The following SOBP variants were observed in gnomAD, a reference collection of about 807,000 sequenced individuals.
The protein encoded by SOBP is sine oculis binding protein homolog.
A neutral mutation model predicts 53.6 loss-of-function variants in SOBP; 4 were observed. The ratio of observed to expected loss-of-function variants is 0.07; its 90% CI spans 0.04 to 0.17. SOBP has a LOEUF of 0.17. SOBP is among the 10% of genes least tolerant of loss of function. SOBP has a pLI of 1.00. For synonymous variants in SOBP, 584 were observed against 522.6 expected, an observed-to-expected ratio of 1.12 and a Z score of -1.60; for missense variants, 1,088 against 1,204.7, an observed-to-expected ratio of 0.90 and a Z score of 1.43.
At chr6:107,622,434 C>T (rs1273645036) in intron 5 of SOBP, among the ~76,000 whole-genome samples, 2 of 152,198 alleles carry the variant, frequency 1.3e-5, no homozygotes, top group Non-Finnish European at 2.9e-5. Context: ...TGGGATGATA[C>T]AAGAAGAGAT....
rs192355207 is a variant in SOBP at position 107,646,852 on chromosome 6, G to A, written c.*4-11355G>A. ...TCTGGAGTTGGGCCAGCTTGGGTTC[G>A]TATCCCAGCAGAGACACTTACCAGG... On this transcript the variant is annotated intron_variant, in intron 6 of 6. Transcript: ENST00000317357. Among the ~76,000 whole-genome samples, 12 of 152,274 alleles carry A rather than the reference G, an allele frequency of 7.9e-5. No homozygotes were observed. In the South Asian group the frequency reaches 1.0e-3, roughly 13 times the overall value.
intron 4 of SOBP, among the ~76,000 whole-genome samples, chr6:107,537,590 G>A (rs1784035642): frequency 6.6e-6 from 1 of 152,170 alleles, no homozygotes; most frequent in Non-Finnish European, 1.5e-5. Flanking sequence ...GGAGGTGGAG[G>A]TAGGAGGATT....
chr6:107,576,900 A>G (rs1240261868), intron 4 of SOBP, among the ~76,000 whole-genome samples: 1 of 152,234 alleles, frequency 6.6e-6, no homozygotes, highest in African/African-American at 2.4e-5. Context: ...TCTTGTCACA[A>G]ATAACAATTG....
intron 5 of SOBP, among the ~76,000 whole-genome samples, chr6:107,590,736 A>G (rs533454920): frequency 6.6e-6 from 1 of 152,262 alleles, no homozygotes; most frequent in African/African-American, 2.4e-5. Context: ...TGGCTGTGTG[A>G]TCAGAAGTGA....
rs184991031 is a variant in SOBP at position 107,624,093 on chromosome 6, T to C, written c.670-9421T>C. 2.6e-3 allele frequency among the ~76,000 whole-genome samples: 394 copies of C among 152,282 alleles called. 1 individual carries two copies. The highest frequency in any genetic ancestry group is 7.1e-3 in the Admixed American group (109 of 15,298). On this transcript the variant is annotated intron_variant, in intron 5 of 6. Transcript: ENST00000317357. ...AAAAAGCAAAGACCTTGCGTAAGCATATGCACAGAGGAAAGAATAAAAAAA... is the reference window on the plus strand; with the variant it reads ...AAAAAGCAAAGACCTTGCGTAAGCACATGCACAGAGGAAAGAATAAAAAAA...
Position 107,634,567 on chromosome 6 carries a change from G to A in SOBP, c.1723G>A (p.Gly575Ser), listed in dbSNP as rs1267495539. 3 of 1,606,022 alleles carry A rather than the reference G, an allele frequency of 1.9e-6. No individual in the cohort carries two copies. Among genetic ancestry groups the A allele is most frequent in the East Asian group, 2.2e-5 (1 of 44,766 alleles). ...NAPGDSAAAG[G>S]KPSGHSLSPR... Reference sequence around the variant, plus strand: ...CCCTGGCGACTCCGCGGCGGCGGGCGGCAAGCCAAGCGGACACTCCCTGTC... The same window carrying A: ...CCCTGGCGACTCCGCGGCGGCGGGCAGCAAGCCAAGCGGACACTCCCTGTC... Residue 575 changes from glycine to serine, a missense_variant, in exon 6 of 7, where the codon GGC becomes AGC. Transcript: ENST00000317357. This position sits in a 1 kb window ranked among gnomAD's most constrained non-coding sequence, Gnocchi z 4.5.
At position 107,541,184 on chromosome 6, in the gene SOBP, G is replaced by C. The variant is rs188715779; in HGVS notation, c.573+7574G>C. Reference sequence around the variant, plus strand: ...GTTAACCACTCCTATTATAAATTCAGACATTAATGTATTTTCTGCTTAATT... The same window carrying C: ...GTTAACCACTCCTATTATAAATTCACACATTAATGTATTTTCTGCTTAATT... On this transcript the variant is annotated intron_variant, in intron 4 of 6. Transcript: ENST00000317357. Among the ~76,000 whole-genome samples the C allele has an allele frequency of 1.6e-3, 247 of 152,216 alleles. 2 individuals carry two copies. The highest frequency in any genetic ancestry group is 5.6e-3 in the African/African-American group (233 of 41,524).
intron 4 of SOBP, among the ~76,000 whole-genome samples, chr6:107,556,305 T>A (rs996055141): frequency 1.3e-5 from 2 of 152,242 alleles, no homozygotes; most frequent in Non-Finnish European, 2.9e-5. Context: ...AGTAAATCAG[T>A]GCTTTGTCCT....
intron 3 of SOBP, among the ~76,000 whole-genome samples, chr6:107,519,659 A>G (rs1783423375): frequency 6.6e-6 from 1 of 152,220 alleles, no homozygotes; most frequent in Admixed American, 6.5e-5. Context: ...TAGCAACAGG[A>G]CAGGAGAGTT....
intron 5 of SOBP, among the ~76,000 whole-genome samples, chr6:107,616,160 C>A (rs552119051): frequency 6.6e-6 from 1 of 150,856 alleles, no homozygotes. Flanking sequence ...CCCTCTGGAG[C>A]CTTTCCTGTG....
chr6:107,583,759 AG>A (rs1785479994), intron 4 of SOBP, among the ~76,000 whole-genome samples: 1 of 152,080 alleles, frequency 6.6e-6, no homozygotes, highest in Admixed American at 6.6e-5. Context: ...TTGAATATTT[AG>A]GGTAAGGTCT....
chr6:107,580,145 T>C (rs1409778911), intron 4 of SOBP, among the ~76,000 whole-genome samples: 6 of 152,212 alleles, frequency 3.9e-5, no homozygotes, highest in Non-Finnish European at 8.8e-5. Context: ...ATGGAGCAGA[T>C]GCCTGGGTCC....
At position 107,612,502 on chromosome 6, in the gene SOBP, G is replaced by A. The variant is rs143319374; in HGVS notation, c.670-21012G>A. Among the ~76,000 whole-genome samples the A allele has an allele frequency of 6.8e-4, 103 of 152,320 alleles. 1 individual carries two copies. Among genetic ancestry groups the A allele is most frequent in the Admixed American group, 6.5e-4 (10 of 15,306 alleles). On this transcript the variant is annotated intron_variant, in intron 5 of 6. Coordinates refer to ENST00000317357, the MANE Select transcript of SOBP (RefSeq NM_018013.4). ...CAGCAGCATCAGGTCACCTGGGAAC[G>A]TGTTAGAAATGCAGATTCTTGTGCC...
intron 2 of SOBP, among the ~76,000 whole-genome samples, chr6:107,505,481 C>G (rs1034815518): frequency 6.6e-6 from 1 of 152,020 alleles, no homozygotes; most frequent in Non-Finnish European, 1.5e-5. Context: ...CGCCACATGT[C>G]TGGCTGATTT....
At chr6:107,529,890 A>T (rs1783770137) in intron 3 of SOBP, among the ~76,000 whole-genome samples, 1 of 152,224 alleles carries the variant, frequency 6.6e-6, no homozygotes, top group Non-Finnish European at 1.5e-5. Flanking sequence ...CATTCTGCTT[A>T]ATTAAATTCG....
Position 107,634,985 on chromosome 6 carries a change from C to G in SOBP, c.2141C>G (p.Pro714Arg), listed in dbSNP as rs1317781362. 9.6e-7 allele frequency: 1 copy of G among 1,037,640 alleles called. No homozygotes were observed. Among genetic ancestry groups the G allele is most frequent in the Non-Finnish European group, 1.2e-6 (1 of 866,174 alleles). 64.3% of individuals were successfully genotyped at this position (1,037,640 alleles called of 1,614,324 possible). A position where few individuals can be genotyped will look rare whatever the true frequency, so the allele number is the denominator to read the frequency against. ...CCAGGCCCGGGCGCCCCGGCGGGCC[C>G]CGAGGCGGCCGCGGCCTGCAACGTC... ...GDPGPGAPAGPEAAAACNVIV... is the reference protein window; with the variant it reads ...GDPGPGAPAGREAAAACNVIV... The change falls in exon 6 of 7, where the codon CCC (proline) becomes CGC (arginine). Residue 714 changes from proline (P) to arginine (R), a missense_variant. Transcript: ENST00000317357. The surrounding 1 kb of genome is among the most constrained non-coding windows in gnomAD (Gnocchi z 4.5).
chr6:107,558,942 G>C (rs984458214), intron 4 of SOBP, among the ~76,000 whole-genome samples: 6 of 151,808 alleles, frequency 4.0e-5, no homozygotes, highest in Admixed American at 6.6e-5. Flanking sequence ...TTTTGTAGAT[G>C]TTAATTTGTC....
rs1326537787 is a variant in SOBP at position 107,573,311 on chromosome 6, A to G, written c.574-13769A>G. Among the ~76,000 whole-genome samples the G allele has an allele frequency of 5.9e-5, 9 of 151,768 alleles. No individual in the cohort carries two copies. The East Asian group carries it at 1.7e-3, about 29-fold the overall frequency. On this transcript the variant is annotated intron_variant, in intron 4 of 6. Coordinates refer to ENST00000317357, the MANE Select transcript of SOBP (RefSeq NM_018013.4). ...TTTAATTTTAATCAAGACTTTAATGATAAGAAAAGATAGTGAGTCCCTATT... is the reference window on the plus strand; with the variant it reads ...TTTAATTTTAATCAAGACTTTAATGGTAAGAAAAGATAGTGAGTCCCTATT...
In SOBP at chr6:107,628,563, A is replaced by T. The variant is rs1427620570; in HGVS notation, c.670-4951A>T. ...GTAAAACATGTGGGACAGGCTGGGGATTGAAAATATATACTCTGTAAGAAG... is the reference window on the plus strand; with the variant it reads ...GTAAAACATGTGGGACAGGCTGGGGTTTGAAAATATATACTCTGTAAGAAG... On this transcript the variant is annotated intron_variant, in intron 5 of 6. Transcript: ENST00000317357. 4.6e-5 allele frequency among the ~76,000 whole-genome samples: 7 copies of T among 152,324 alleles called. No individual in the cohort carries two copies. The East Asian group carries it at 1.3e-3, about 29-fold the overall frequency.
Sources: allele counts gnomAD v4.1 joint callset (sites outside exome capture counted in the v4.1 genomes callset), GRCh38; gene constraint gnomAD v4.1.1; non-coding constraint Gnocchi (gnomAD v3.1); transcripts MANE v1.5; gene names NCBI Gene and HGNC (gene_info 2026-07-23, HGNC 2026-07-21).